XIRP2: variants seen among roughly 807,000 people sequenced by gnomAD.
The protein encoded by XIRP2 is xin actin binding repeat containing 2, also known as xin actin-binding repeat-containing protein 2.
In XIRP2, 236 loss-of-function variants were observed where a neutral mutation model predicts 277.0. The observed-to-expected ratio is 0.85, with a 90% CI of 0.77 to 0.95. The LOEUF is 0.95. Among genes scored for constraint, XIRP2 ranks in the 40% least tolerant of loss-of-function variants. XIRP2 has a pLI of 0.00. For synonymous variants in XIRP2, 1,490 were observed against 1,416.5 expected (o/e 1.05, Z -1.17); for missense variants, 4,640 against 4,157.5 (o/e 1.12, Z -3.19).
chr2:167,015,224 C>T (rs1030965246), intron 2 of XIRP2, among the ~76,000 whole-genome samples: 1 of 151,746 alleles, frequency 6.6e-6, no homozygotes, highest in East Asian at 1.9e-4. Flanking sequence ...ATTTATTAAA[C>T]ATAGCGTTAA....
At chr2:167,234,034 C>G (rs1694832166) in intron 5 of XIRP2, among the ~76,000 whole-genome samples, 1 of 151,406 alleles carries the variant, frequency 6.6e-6, no homozygotes, top group South Asian at 2.1e-4. Context: ...TTTTATGAAT[C>G]TTCAGAATTT....
intron 3 of XIRP2, among the ~76,000 whole-genome samples, chr2:167,182,190 G>A (rs1559010653): frequency 6.6e-6 from 1 of 152,112 alleles, no homozygotes; most frequent in Non-Finnish European, 1.5e-5. Context: ...ACTTGAATGG[G>A]TCAATGGGTC....
intron 2 of XIRP2, among the ~76,000 whole-genome samples, chr2:167,070,985 A>G (rs1443368334): frequency 6.6e-6 from 1 of 152,204 alleles, no homozygotes; most frequent in Admixed American, 6.5e-5. Flanking sequence ...TTTACATACT[A>G]TTATCACTGA....
chr2:167,009,349 A>C (rs62196036), intron 2 of XIRP2, among the ~76,000 whole-genome samples: 1,940 of 151,844 alleles, frequency 0.013, 16 homozygotes, highest in Non-Finnish European at 0.021. Context: ...TTTGCTGAGA[A>C]TGATGCTTTC....
intron 3 of XIRP2, among the ~76,000 whole-genome samples, chr2:167,147,513 G>T (rs1039085978): frequency 6.6e-6 from 1 of 152,160 alleles, no homozygotes; most frequent in African/African-American, 2.4e-5. Context: ...AGTAACTAAG[G>T]TCAGCCACAT....
At chr2:167,127,903 G>A (rs1192974987) in intron 2 of XIRP2, among the ~76,000 whole-genome samples, 1 of 152,162 alleles carries the variant, frequency 6.6e-6, no homozygotes, top group East Asian at 1.9e-4. Context: ...GTCCCCCTGG[G>A]GGTTCATCCA....
intron 5 of XIRP2, among the ~76,000 whole-genome samples, chr2:167,229,231 G>T (rs1276635257): frequency 6.6e-6 from 1 of 152,072 alleles, no homozygotes; most frequent in Non-Finnish European, 1.5e-5. Context: ...GAGACATTTT[G>T]CTATTGCCCT....
At chr2:167,255,596 C>A (rs1695633653) in intron 10 of XIRP2, among the ~76,000 whole-genome samples, 1 of 151,840 alleles carries the variant, frequency 6.6e-6, no homozygotes, top group African/African-American at 2.4e-5. Context: ...TTAAAAATTA[C>A]ATCTGCCCTC....
intron 2 of XIRP2, among the ~76,000 whole-genome samples, chr2:167,023,342 A>T (rs1316632885): frequency 6.6e-6 from 1 of 151,904 alleles, no homozygotes; most frequent in African/African-American, 2.4e-5. Flanking sequence ...TTCATTATAG[A>T]TTCTGGATAT....
At chr2:167,074,418 G>C (rs1689509380) in intron 2 of XIRP2, among the ~76,000 whole-genome samples, 1 of 151,938 alleles carries the variant, frequency 6.6e-6, no homozygotes, top group South Asian at 2.1e-4. Flanking sequence ...GAATAACAAA[G>C]TTATTTTCAA....
chr2:166,909,882 A>T (rs1016450254), intron 2 of XIRP2, among the ~76,000 whole-genome samples: 1 of 152,170 alleles, frequency 6.6e-6, no homozygotes, highest in Non-Finnish European at 1.5e-5. Flanking sequence ...TGTGGTTTTT[A>T]TCTTTGGTTC....
At chr2:167,076,327 T>G (rs1028152024) in intron 2 of XIRP2, among the ~76,000 whole-genome samples, 2 of 152,180 alleles carry the variant, frequency 1.3e-5, no homozygotes, top group Non-Finnish European at 2.9e-5. Context: ...TGCTAATACA[T>G]CAAGCTTAAA....
At chr2:166,938,584 A>C (rs1303504070) in intron 2 of XIRP2, among the ~76,000 whole-genome samples, 1 of 152,180 alleles carries the variant, frequency 6.6e-6, no homozygotes, top group Non-Finnish European at 1.5e-5. Flanking sequence ...GATTTGGGGT[A>C]GAAAGTTCTG....
intron 2 of XIRP2, among the ~76,000 whole-genome samples, chr2:166,949,146 CA>C (rs1420954376): frequency 6.6e-6 from 1 of 151,960 alleles, no homozygotes; most frequent in African/African-American, 2.4e-5. Context: ...GCAACTGGTC[CA>C]GCATCATATT....
At chr2:167,074,787 C>T (rs1036196707) in intron 2 of XIRP2, among the ~76,000 whole-genome samples, 1 of 151,980 alleles carries the variant, frequency 6.6e-6, no homozygotes, top group African/African-American at 2.4e-5. Context: ...CTACAGGCAC[C>T]AGCCACCACA....
At chr2:167,115,072 G>C (rs1424372102) in intron 2 of XIRP2, among the ~76,000 whole-genome samples, 3 of 152,158 alleles carry the variant, frequency 2.0e-5, no homozygotes, top group Non-Finnish European at 2.9e-5. Context: ...CAGTGTAAAA[G>C]TGTTCCTATT....
chr2:167,133,296 A>G (rs916126524), intron 2 of XIRP2, among the ~76,000 whole-genome samples: 3 of 152,220 alleles, frequency 2.0e-5, no homozygotes, highest in African/African-American at 4.8e-5. Flanking sequence ...AGACAGCTCA[A>G]TTCAGCCTCA....
At chr2:167,032,087 T>C (rs1200607918) in intron 2 of XIRP2, among the ~76,000 whole-genome samples, 2 of 152,134 alleles carry the variant, frequency 1.3e-5, no homozygotes, top group Non-Finnish European at 2.9e-5. Flanking sequence ...AACAGTATGG[T>C]ACTGGTACCA....
At position 167,202,417 on chromosome 2, in the gene XIRP2, G is replaced by A. The variant is rs142559815; in HGVS notation, c.563-8318G>A. Among the ~76,000 whole-genome samples, 4 of 152,296 alleles carry A rather than the reference G, an allele frequency of 2.6e-5. No individual in the cohort carries two copies. The East Asian group carries it at 7.7e-4, about 29-fold the overall frequency. Reference sequence around the variant, plus strand: ...AAGTACTTCCTATGAGATGATAGGAGCTGCAAAAGACACAGGACATGTCTA... The same window carrying A: ...AAGTACTTCCTATGAGATGATAGGAACTGCAAAAGACACAGGACATGTCTA... On this transcript the variant is annotated intron_variant, in intron 3 of 10. Coordinates refer to ENST00000409195, the MANE Select transcript of XIRP2 (RefSeq NM_152381.6).
Sources: gnomAD v4.1 joint callset for allele counts (sites outside exome capture counted in the v4.1 genomes callset) on GRCh38, gnomAD v4.1.1 for gene constraint, MANE v1.5 for transcripts, NCBI Gene and HGNC (gene_info 2026-07-23, HGNC 2026-07-21) for gene names.